Variants in VAMP4 observed in about 807,000 individuals in gnomAD.
VAMP4 encodes the protein vesicle-associated membrane protein 4.
VAMP4 carries 19 observed loss-of-function variants against 23.5 expected under a neutral mutation model. The observed-to-expected ratio is 0.81, with a 90% CI of 0.56 to 1.19. VAMP4 has a LOEUF of 1.19. Ranked by LOEUF, VAMP4 falls within the 50% of genes most tolerant of loss-of-function variation. The pLI, the probability that VAMP4 is intolerant of heterozygous loss-of-function variation, is 0.00. For synonymous variants in VAMP4, 31 were observed against 51.0 expected, an observed-to-expected ratio of 0.61 and a Z score of 1.67; for missense variants, 145 against 168.6, an observed-to-expected ratio of 0.86 and a Z score of 0.78.
At chr1:171,728,388 TG>T in intron 3 of VAMP4, 135 bp downstream of exon 3, 1 of 632,460 alleles carries the variant, frequency 1.6e-6, no homozygotes, top group Non-Finnish European at 2.6e-6. Context: ...ACATATCCAC[TG>T]GGGGATCTTG....
chr1:171,738,105 AC>A (rs1278027345), intron 2 of VAMP4, among the ~76,000 whole-genome samples: 1 of 152,102 alleles, frequency 6.6e-6, no homozygotes, highest in African/African-American at 2.4e-5. Flanking sequence ...AATAGCTGGA[AC>A]CATAGGCATG....
At chr1:171,725,664 T>C (rs1655339226) in intron 3 of VAMP4, among the ~76,000 whole-genome samples, 1 of 152,104 alleles carries the variant, frequency 6.6e-6, no homozygotes, top group South Asian at 2.1e-4. Flanking sequence ...TCCTGTAAGC[T>C]CTTTCTTCAC....
At chr1:171,707,498 C>T (rs966501682) in intron 6 of VAMP4, among the ~76,000 whole-genome samples, 2 of 152,110 alleles carry the variant, frequency 1.3e-5, no homozygotes, top group African/African-American at 4.8e-5. Context: ...GCCCTTATAT[C>T]CTTTTTCTTA....
rs532268737 is a variant in VAMP4 at position 171,721,490 on chromosome 1, T to C, written c.114-2269A>G. 1.4e-4 allele frequency among the ~76,000 whole-genome samples: 22 copies of C among 152,328 alleles called. No individual in the cohort carries two copies. In the East Asian group the frequency reaches 3.7e-3, roughly 25 times the overall value. Reference sequence around the variant, plus strand: ...AGGTTAATTTACAAAATGATATTTATACTAGCAATAAGTATGACATTTTAA... The same window carrying C: ...AGGTTAATTTACAAAATGATATTTACACTAGCAATAAGTATGACATTTTAA... On this transcript the variant is annotated intron_variant, in intron 3 of 7. Coordinates refer to ENST00000236192, the MANE Select transcript of VAMP4 (RefSeq NM_003762.5).
chr1:171,720,885 T>TAATACCAACCAATAC (rs1313373849), intron 3 of VAMP4, among the ~76,000 whole-genome samples: 1 of 151,962 alleles, frequency 6.6e-6, no homozygotes, highest in African/African-American at 2.4e-5. Context: ...AACCAATACC[T>TAATACCAACCAATAC]CTAATGAACA....
At chr1:171,723,622 T>C (rs1484574720) in intron 3 of VAMP4, among the ~76,000 whole-genome samples, 2 of 152,228 alleles carry the variant, frequency 1.3e-5, no homozygotes, top group African/African-American at 2.4e-5. Context: ...TATCCTGTTC[T>C]TTTTTCAAGG....
intron 2 of VAMP4, 144 bp downstream of exon 2, chr1:171,738,205 C>G: frequency 1.2e-6 from 1 of 825,870 alleles, no homozygotes; most frequent in Non-Finnish European, 1.9e-6. Context: ...CTTCTGGGCT[C>G]AAGCTATTCT....
chr1:171,722,734 A>G (rs1276154758), intron 3 of VAMP4, among the ~76,000 whole-genome samples: 1 of 152,210 alleles, frequency 6.6e-6, no homozygotes, highest in Non-Finnish European at 1.5e-5. Flanking sequence ...TAGAATGGCG[A>G]TCATTAAAAA....
chr1:171,705,528 A>C (rs1453483572), intron 7 of VAMP4, among the ~76,000 whole-genome samples: 1 of 152,136 alleles, frequency 6.6e-6, no homozygotes, highest in Non-Finnish European at 1.5e-5. Context: ...GGGGACTTAC[A>C]ATTTTTTGTT....
chr1:171,728,408 C>T, intron 3 of VAMP4, 116 bp downstream of exon 3: 1 of 784,440 alleles, frequency 1.3e-6, no homozygotes, highest in Non-Finnish European at 1.9e-6. Context: ...TGGAAGGCAT[C>T]TCTCACGTAT....
chr1:171,736,645 T>C (rs918701967), intron 2 of VAMP4, among the ~76,000 whole-genome samples: 1 of 141,774 alleles, frequency 7.1e-6, no homozygotes, highest in East Asian at 2.0e-4. Context: ...TATTTCCCCA[T>C]TAAAAAACAA....
chr1:171,712,982 G>C (rs1390299343), intron 4 of VAMP4, among the ~76,000 whole-genome samples: 1 of 152,112 alleles, frequency 6.6e-6, no homozygotes, highest in Non-Finnish European at 1.5e-5. Flanking sequence ...AATAGTAATT[G>C]TACCTATTTA....
Position 171,738,350 on chromosome 1 carries a change from C to T in VAMP4, c.65G>A (p.Arg22Lys), listed in dbSNP as rs201528503. 5.6e-6 allele frequency: 9 copies of T among 1,613,806 alleles called. No individual in the cohort carries two copies. Among genetic ancestry groups the T allele is most frequent in the Non-Finnish European group, 7.6e-6 (9 of 1,179,952 alleles). ...DDVTGSVKSE[R>K]RNLLEDDSDE... ...TAAAGCTTAAGATTCCGAACTTACC[C>T]TTTCACTTTTCACAGAACCTGTGAC... is the stretch of plus-strand genomic sequence containing the variant. The change falls in exon 2 of 8, where the codon AGG becomes AAG. Residue 22 changes from arginine to lysine, a missense_variant and splice_region_variant. By Grantham distance (26) the Arg-to-Lys change is conservative (BLOSUM62 2). Coordinates refer to ENST00000236192, the MANE Select transcript of VAMP4 (RefSeq NM_003762.5).
At position 171,738,395 on chromosome 1, in the gene VAMP4, C is replaced by T. The variant is rs751766048; in HGVS notation, c.20G>A (p.Arg7His). The stretch of plus-strand genomic sequence containing the variant: ...TGTGACATCATCATCATTGAGGTGG[C>T]GCTTAAACTTGGGAGGCATATTTTT... MPPKFK[R>H]HLNDDDVTGS... The change falls in exon 2 of 8, where the codon CGC becomes CAC. Residue 7 changes from arginine to histidine, a missense_variant. Coordinates refer to ENST00000236192, the MANE Select transcript of VAMP4 (RefSeq NM_003762.5). 10 of 1,613,994 alleles carry T rather than the reference C, an allele frequency of 6.2e-6. No homozygotes were observed. The highest frequency in any genetic ancestry group is 2.7e-5 in the African/African-American group (2 of 74,886).
intron 3 of VAMP4, among the ~76,000 whole-genome samples, chr1:171,726,821 C>T (rs75215247): frequency 3.4e-3 from 520 of 151,922 alleles, no homozygotes; most frequent in Non-Finnish European, 5.4e-3. Flanking sequence ...CTGATGCCAT[C>T]AAAATCAAAA....
intron 4 of VAMP4, among the ~76,000 whole-genome samples, chr1:171,716,981 T>G (rs1655040196): frequency 6.6e-6 from 1 of 152,232 alleles, no homozygotes. Context: ...ACCAAAGTTA[T>G]TGTGATATTA....
chr1:171,702,173 C>T lies in VAMP4; in HGVS notation c.*2333G>A, dbSNP rs963926651. 2.6e-5 allele frequency: 4 copies of T among 151,842 alleles called. No individual in the cohort carries two copies. The highest frequency in any genetic ancestry group is 2.1e-4 in the South Asian group (1 of 4,822). The allele number at this position is 151,842 out of a possible 1,614,324, so 9.4% of individuals were successfully genotyped here. On this transcript the variant is annotated 3_prime_UTR_variant, in exon 8 of 8. Transcript: ENST00000236192. ...TATATTTTTTTCTTCTGTTTTTGAT[C>T]GTAAGAGGGCTTATATCTCCAAGGT...
intron 2 of VAMP4, among the ~76,000 whole-genome samples, chr1:171,730,545 T>C (rs1655527531): frequency 6.6e-6 from 1 of 151,946 alleles, no homozygotes; most frequent in African/African-American, 2.4e-5. Context: ...CTCATCTTGA[T>C]GAGGAGTGGA....
At chr1:171,714,208 C>T (rs913548716) in intron 4 of VAMP4, among the ~76,000 whole-genome samples, 2 of 152,128 alleles carry the variant, frequency 1.3e-5, no homozygotes, top group African/African-American at 4.8e-5. Context: ...TGCTTATTTA[C>T]TTTAATATGG....
Sources: allele counts gnomAD v4.1 joint callset (sites outside exome capture counted in the v4.1 genomes callset), GRCh38; gene constraint gnomAD v4.1.1; transcripts MANE v1.5; gene names NCBI Gene and HGNC (gene_info 2026-07-23, HGNC 2026-07-21).